The following TRPC5 variants were observed in gnomAD, a reference collection of about 807,000 sequenced individuals.
TRPC5 encodes transient receptor potential cation channel subfamily C member 5.
TRPC5 carries 9 observed loss-of-function variants against 56.5 expected under a neutral mutation model. The observed-to-expected ratio is 0.16, with a 90% CI of 0.10 to 0.28. The LOEUF is 0.28. TRPC5 is among the 10% of genes least tolerant of loss of function. TRPC5 has a pLI of 1.00. For synonymous variants in TRPC5, 282 were observed against 278.5 expected (o/e 1.01, Z -0.13); for missense variants, 469 against 748.9 (o/e 0.63, Z 4.36).
chrX:112,033,212 A>C (rs1277452221), intron 1 of TRPC5, among the ~76,000 whole-genome samples: 1 of 61,493 alleles, frequency 1.6e-5, no homozygotes, highest in African/African-American at 7.0e-5. Flanking sequence ...CACACCAGGG[A>C]CTGTAGTGGG....
intron 1 of TRPC5, among the ~76,000 whole-genome samples, chrX:112,002,277 C>G (rs966849547): frequency 8.9e-6 from 1 of 111,852 alleles, no homozygotes; most frequent in African/African-American, 3.3e-5. Flanking sequence ...ATTACCTTCC[C>G]CTTTGCTTAC....
rs1378202055 is a variant in TRPC5 at position 111,951,048 on chromosome X, TA to T, written c.378+994del. ...ATGCTATTTAGGGAGAATAATGCCT[TA>T]TTCTTGGGATATTATTGCTCGGGAT... On this transcript the variant is annotated intron_variant, in intron 2 of 10. Coordinates refer to ENST00000262839, the MANE Select transcript of TRPC5 (RefSeq NM_012471.3). Among the ~76,000 whole-genome samples the T allele has an allele frequency of 1.6e-4, 18 of 111,797 alleles. No individual in the cohort carries two copies. The Admixed American group carries it at 1.7e-3, about 11-fold the overall frequency.
intron 2 of TRPC5, among the ~76,000 whole-genome samples, chrX:111,935,450 C>T (rs906592119): frequency 2.7e-5 from 3 of 111,692 alleles, no homozygotes; most frequent in African/African-American, 6.5e-5. Flanking sequence ...GTTTCCTTTG[C>T]TATGCAGAAG....
intron 1 of TRPC5, among the ~76,000 whole-genome samples, chrX:111,959,717 A>G (rs111308778): frequency 8.5e-4 from 95 of 111,445 alleles, no homozygotes; most frequent in African/African-American, 2.7e-3. Flanking sequence ...AAAATTGGGA[A>G]TCATTGCATA....
intron 1 of TRPC5, among the ~76,000 whole-genome samples, chrX:112,010,228 G>A (rs1928955890): frequency 8.9e-6 from 1 of 112,060 alleles, no homozygotes; most frequent in African/African-American, 3.2e-5. Context: ...CTGTGAAGGG[G>A]AGATAATTAC....
At chrX:112,007,087 G>C (rs1315877700) in intron 1 of TRPC5, among the ~76,000 whole-genome samples, 2 of 110,748 alleles carry the variant, frequency 1.8e-5, no homozygotes, top group Admixed American at 1.9e-4. Flanking sequence ...ATAAGGTCTA[G>C]GACTGGGGTG....
intron 2 of TRPC5, among the ~76,000 whole-genome samples, chrX:111,934,978 C>T (rs1332126737): frequency 1.8e-5 from 2 of 111,967 alleles, no homozygotes; most frequent in Non-Finnish European, 3.8e-5. Context: ...TTCTTTTGGA[C>T]ATATACCTAG....
intron 2 of TRPC5, among the ~76,000 whole-genome samples, chrX:111,947,043 T>A (rs1254107728): frequency 9.0e-6 from 1 of 111,646 alleles, no homozygotes; most frequent in Non-Finnish European, 1.9e-5. Flanking sequence ...GATAGTGAGG[T>A]GGACCGAGTC....
rs186864408 is a variant in TRPC5 at position 111,768,286 on chromosome X, A to G, written c.*8027T>C. Among the ~76,000 whole-genome samples the G allele has an allele frequency of 1.1e-3, 119 of 112,091 alleles. No individual in the cohort carries two copies. The highest frequency in any genetic ancestry group is 1.9e-3 in the Non-Finnish European group (100 of 53,159). On this transcript the variant is annotated 3_prime_UTR_variant, in exon 11 of 11. Transcript: ENST00000262839. ...TAAACTGAAATTTGACACACTTTCT[A>G]TATGGTGATATGTGGTTGGGGCTGC... is the stretch of plus-strand genomic sequence containing the variant.
chrX:112,063,979 C>T (rs868659083), intron 1 of TRPC5, among the ~76,000 whole-genome samples: 5 of 111,361 alleles, frequency 4.5e-5, no homozygotes, highest in South Asian at 3.8e-4. Flanking sequence ...ATTCTAAAGC[C>T]ATTTATGATC....
intron 2 of TRPC5, among the ~76,000 whole-genome samples, chrX:111,944,267 A>AGTGTGTGTGT (rs36057312): frequency 3.1e-4 from 22 of 71,711 alleles, no homozygotes; most frequent in African/African-American, 9.9e-4. Context: ...GGAGTAGAAG[A>AGTGTGTGTGT]GTGTGTGTGT....
intron 2 of TRPC5, among the ~76,000 whole-genome samples, chrX:111,937,337 T>G (rs1376725647): frequency 9.8e-6 from 1 of 102,154 alleles, no homozygotes; most frequent in Non-Finnish European, 2.0e-5. Context: ...GTGCAGAAGC[T>G]CTTTAGTTTA....
chrX:112,071,168 C>T (rs948692101), intron 1 of TRPC5, among the ~76,000 whole-genome samples: 2 of 110,062 alleles, frequency 1.8e-5, no homozygotes, highest in South Asian at 4.0e-4. Context: ...CAATATTAGC[C>T]GGGCATGGTG....
Position 111,913,908 on chromosome X carries a change from C to T in TRPC5, c.379-1096G>A, listed in dbSNP as rs781007412. Among the ~76,000 whole-genome samples the T allele has an allele frequency of 5.8e-5, 6 of 104,322 alleles. No individual in the cohort carries two copies. The East Asian group carries it at 1.5e-3, about 26-fold the overall frequency. The allele number at this position is 104,322 out of a possible 115,157, so 90.6% of individuals were successfully genotyped here. A position where few individuals can be genotyped will look rare whatever the true frequency, so the allele number is the denominator to read the frequency against. On this transcript the variant is annotated intron_variant, in intron 2 of 10. Transcript: ENST00000262839. ...CCAGGAGGCAGAGCTGGCAGTGAGC[C>T]GAGATCACGCCACTGCACTCCAGCC...
intron 1 of TRPC5, among the ~76,000 whole-genome samples, chrX:112,058,007 T>C (rs988993098): frequency 4.5e-4 from 50 of 111,710 alleles, no homozygotes; most frequent in Admixed American, 5.7e-4. Flanking sequence ...CTGTTCTTGC[T>C]TGCCCTTTCT....
chrX:111,783,947 A>T (rs1945939816), intron 7 of TRPC5, among the ~76,000 whole-genome samples: 1 of 111,552 alleles, frequency 9.0e-6, no homozygotes, highest in Admixed American at 9.6e-5. Flanking sequence ...TAATTTTTCT[A>T]TAAGGGAAGA....
chrX:112,002,353 T>G (rs1157958187), intron 1 of TRPC5, among the ~76,000 whole-genome samples: 1 of 111,457 alleles, frequency 9.0e-6, no homozygotes. Flanking sequence ...AGGGTCTCAC[T>G]GTGTTGCCCA....
At chrX:111,898,755 A>T (rs1207377027) in intron 3 of TRPC5, among the ~76,000 whole-genome samples, 1 of 110,465 alleles carries the variant, frequency 9.1e-6, no homozygotes, top group African/African-American at 3.3e-5. Flanking sequence ...GCAAAAATGA[A>T]ATTTGTGTGT....
At chrX:111,905,784 G>A (rs987012832) in intron 3 of TRPC5, among the ~76,000 whole-genome samples, 57 of 108,652 alleles carry the variant, frequency 5.2e-4, no homozygotes, top group Admixed American at 2.6e-3. Flanking sequence ...GCGTGGTGGC[G>A]GGCGCCTGTA....
Sources: gnomAD v4.1 joint callset for allele counts (sites outside exome capture counted in the v4.1 genomes callset) on GRCh38, gnomAD v4.1.1 for gene constraint, MANE v1.5 for transcripts, NCBI Gene and HGNC (gene_info 2026-07-23, HGNC 2026-07-21) for gene names.